GATAD2A: variants seen among roughly 807,000 people sequenced by gnomAD.
GATAD2A encodes GATA zinc finger domain containing 2A, also known as transcriptional repressor p66-alpha.
In GATAD2A, 12 loss-of-function variants were observed where a neutral mutation model predicts 68.5. The ratio of observed to expected loss-of-function variants is 0.18; its 90% confidence interval spans 0.11 to 0.28. The LOEUF (loss-of-function observed/expected upper bound fraction) is 0.28, where lower values mean the gene tolerates loss of function less well. Ranked by LOEUF, GATAD2A falls within the 10% of genes least tolerant of loss-of-function variation. The pLI, the probability that GATAD2A is intolerant of heterozygous loss-of-function variation, is 1.00. For synonymous variants in GATAD2A, 410 were observed against 375.3 expected (o/e 1.09, Z -1.07); for missense variants, 755 against 868.5 (o/e 0.87, Z 1.64).
chr19:19,498,795 AAC>A, intron 8 of GATAD2A, 73 bp downstream of exon 8: 1 of 1,338,916 alleles, frequency 7.5e-7, no homozygotes, highest in Middle Eastern at 2.3e-4. Flanking sequence ...GGTTCTTTCC[AAC>A]ACACAGCAGA....
At chr19:19,498,258 G>A (rs534551920) in intron 7 of GATAD2A, among the ~76,000 whole-genome samples, 185 bp from the exon 8 acceptor site, 9 of 152,344 alleles carry the variant, frequency 5.9e-5, no homozygotes, top group African/African-American at 1.7e-4. Flanking sequence ...TGTGTTTCTC[G>A]CGCCTCTCCC....
chr19:19,406,450 C>T (rs1335050126), intron 1 of GATAD2A, among the ~76,000 whole-genome samples: 3 of 151,296 alleles, frequency 2.0e-5, no homozygotes, highest in Non-Finnish European at 4.4e-5. Flanking sequence ...ACGCTGAACC[C>T]CGCGGCGGCG....
intron 1 of GATAD2A, among the ~76,000 whole-genome samples, chr19:19,456,370 G>A (rs2056933360): frequency 6.6e-6 from 1 of 152,032 alleles, no homozygotes; most frequent in Admixed American, 6.6e-5. Context: ...AGCAGAAATG[G>A]CAGCCCACCC....
chr19:19,497,282 G>T (rs1299664544), intron 7 of GATAD2A, among the ~76,000 whole-genome samples: 1 of 152,204 alleles, frequency 6.6e-6, no homozygotes, highest in Non-Finnish European at 1.5e-5. Flanking sequence ...TTTTAGTCAA[G>T]ACAGTGTTAC....
chr19:19,474,015 G>T, intron 2 of GATAD2A: 2 of 983,368 alleles, frequency 2.0e-6, no homozygotes, highest in Non-Finnish European at 2.4e-6. Flanking sequence ...AAAGTAATGT[G>T]ATATTGCTTC....
chr19:19,419,297 TTTGTCGATCC>T (rs1376288098), intron 1 of GATAD2A, among the ~76,000 whole-genome samples: 7 of 152,122 alleles, frequency 4.6e-5, no homozygotes, highest in Non-Finnish European at 8.8e-5. Context: ...CCGGGTAGTA[TTTGTCGATCC>T]TTCCAGCCCC....
chr19:19,486,826 G>C (rs576992269), intron 2 of GATAD2A, among the ~76,000 whole-genome samples: 76 of 152,340 alleles, frequency 5.0e-4, no homozygotes, highest in Admixed American at 1.3e-3. Flanking sequence ...AGGCAGCCCT[G>C]AGAGGCTGCG....
At chr19:19,396,789 A>G (rs747096809) in intron 1 of GATAD2A, among the ~76,000 whole-genome samples, 2 of 151,522 alleles carry the variant, frequency 1.3e-5, no homozygotes, top group Non-Finnish European at 2.9e-5. Flanking sequence ...GCTCATTGCA[A>G]CCTCCACCTC....
chr19:19,422,904 G>C (rs140098855), intron 1 of GATAD2A, among the ~76,000 whole-genome samples: 2 of 151,976 alleles, frequency 1.3e-5, no homozygotes, highest in Non-Finnish European at 2.9e-5. Context: ...GTAGAGACAG[G>C]GTTTCACCGT....
At chr19:19,494,603 A>T (rs1305369715) in intron 5 of GATAD2A, among the ~76,000 whole-genome samples, 1 of 152,210 alleles carries the variant, frequency 6.6e-6, no homozygotes, top group Non-Finnish European at 1.5e-5. Flanking sequence ...TGTTAATGTC[A>T]CAGACAGAAA....
At chr19:19,446,284 C>T (rs954662229) in intron 1 of GATAD2A, among the ~76,000 whole-genome samples, 7 of 152,146 alleles carry the variant, frequency 4.6e-5, no homozygotes, top group Admixed American at 4.6e-4. Flanking sequence ...ACTAATGACA[C>T]TGAGACAGAG....
chr19:19,416,947 A>G (rs1040548902), intron 1 of GATAD2A, among the ~76,000 whole-genome samples: 3 of 152,020 alleles, frequency 2.0e-5, no homozygotes, highest in Non-Finnish European at 2.9e-5. Flanking sequence ...TTTTTAGTAG[A>G]GACAGGGTTT....
rs2060134539 is a variant in GATAD2A at position 19,496,148 on chromosome 19, A to C, written c.853A>C (p.Arg285=). The C allele has an allele frequency of 3.1e-6, 5 of 1,613,744 alleles. No individual in the cohort carries two copies. In the East Asian group the frequency reaches 1.1e-4, roughly 36 times the overall value. ...SVPSVQIQGQ[R]IIQQGLIRVA... Reference sequence around the variant, plus strand: ...GCCCAGTGTGCAGATTCAGGGACAGAGGATCATCCAGCAGGGCCTCATCCG... The same window carrying C: ...GCCCAGTGTGCAGATTCAGGGACAGCGGATCATCCAGCAGGGCCTCATCCG... The change falls in exon 7 of 12, where the codon AGG becomes CGG. Residue 285 remains arginine, a synonymous_variant. Transcript: ENST00000683918.
intron 1 of GATAD2A, among the ~76,000 whole-genome samples, chr19:19,428,866 G>C (rs751347410): frequency 5.9e-5 from 9 of 152,190 alleles, no homozygotes; most frequent in Non-Finnish European, 1.3e-4. Context: ...TAGCATGCCA[G>C]GGGTGGGGCA....
intron 1 of GATAD2A, among the ~76,000 whole-genome samples, chr19:19,415,085 C>T (rs1313808545): frequency 3.2e-5 from 4 of 125,752 alleles, no homozygotes; most frequent in Non-Finnish European, 5.0e-5. Flanking sequence ...GACCTGCCCC[C>T]GCCCCCCTCC....
chr19:19,488,438 G>A (rs2059583694), intron 2 of GATAD2A, among the ~76,000 whole-genome samples: 1 of 152,256 alleles, frequency 6.6e-6, no homozygotes, highest in African/African-American at 2.4e-5. Flanking sequence ...AGGCAGGCCT[G>A]TTCAGAGAAC....
Position 19,492,562 on chromosome 19 carries a change from G to A in GATAD2A, c.403-19G>A. On this transcript the variant is annotated intron_variant, in intron 3 of 11. Transcript: ENST00000683918. ...ACCAAGGACGCTCCCTCTCAACCCT[G>A]TTCCTCTCGCCCCTGCAGAAAAGCA... 3 of 1,614,128 alleles carry A rather than the reference G, an allele frequency of 1.9e-6. No homozygotes were observed. Among genetic ancestry groups the A allele is most frequent in the Non-Finnish European group, 2.5e-6 (3 of 1,179,956 alleles).
intron 2 of GATAD2A, among the ~76,000 whole-genome samples, chr19:19,488,029 G>A (rs550347180): frequency 2.6e-5 from 4 of 152,326 alleles, no homozygotes; most frequent in South Asian, 2.1e-4. Context: ...GAGGCCTCAC[G>A]AGCTACAGGT....
chr19:19,471,444 A>G (rs2058304426), intron 2 of GATAD2A, among the ~76,000 whole-genome samples: 1 of 151,954 alleles, frequency 6.6e-6, no homozygotes, highest in African/African-American at 2.4e-5. Context: ...AGTTTCACTT[A>G]CAGGGCATGT....
Sources: gnomAD v4.1 joint callset for allele counts (sites outside exome capture counted in the v4.1 genomes callset) on GRCh38, gnomAD v4.1.1 for gene constraint, MANE v1.5 for transcripts, NCBI Gene and HGNC (gene_info 2026-07-23, HGNC 2026-07-21) for gene names.